Variants in ECT2L observed in about 807,000 individuals in gnomAD.
The protein encoded by ECT2L is epithelial cell transforming 2 like.
In ECT2L, 126 loss-of-function variants were observed where a neutral mutation model predicts 122.8. That is an observed-to-expected ratio of 1.03 (90% CI 0.89 to 1.19). The LOEUF is 1.19. ECT2L is among the 50% of genes most tolerant of loss of function. The pLI is 0.00. For missense variants in ECT2L, 1,012 were observed against 1,064.1 expected (o/e 0.95, Z 0.68); for synonymous variants, 385 against 381.8 (o/e 1.01, Z -0.10).
intron 20 of ECT2L, 124 bp from the exon 21 acceptor site, chr6:138,900,824 C>A: frequency 9.7e-7 from 1 of 1,026,220 alleles, no homozygotes; most frequent in Non-Finnish European, 1.4e-6. Context: ...TTCAACCAGC[C>A]ATTCAAAATG....
chr6:138,808,950 C>T (rs1775801432), intron 1 of ECT2L, among the ~76,000 whole-genome samples: 1 of 152,180 alleles, frequency 6.6e-6, no homozygotes, highest in East Asian at 1.9e-4. Context: ...TGGTCTCAAA[C>T]TCCTGGCCTC....
At chr6:138,831,028 G>A (rs1454768813) in intron 4 of ECT2L, among the ~76,000 whole-genome samples, 4 of 152,104 alleles carry the variant, frequency 2.6e-5, no homozygotes, top group Admixed American at 6.5e-5. Context: ...ATATACAATC[G>A]TCGTAAGCAC....
intron 12 of ECT2L, among the ~76,000 whole-genome samples, chr6:138,866,062 C>T (rs1778024540): frequency 6.6e-6 from 1 of 152,136 alleles, no homozygotes; most frequent in South Asian, 2.1e-4. Flanking sequence ...CTTATTTGTA[C>T]TACCTACTCT....
intron 11 of ECT2L, among the ~76,000 whole-genome samples, chr6:138,863,098 C>T (rs1777896361): frequency 6.6e-6 from 1 of 152,060 alleles, no homozygotes; most frequent in South Asian, 2.1e-4. Context: ...AAAGAGATGG[C>T]AAAGAGGCTG....
chr6:138,880,302 G>C (rs1046279703), intron 14 of ECT2L, among the ~76,000 whole-genome samples: 1 of 152,176 alleles, frequency 6.6e-6, no homozygotes, highest in African/African-American at 2.4e-5. Flanking sequence ...CTCTTGGAGT[G>C]CTCACATGGT....
intron 1 of ECT2L, among the ~76,000 whole-genome samples, chr6:138,800,796 A>G (rs185917324): frequency 1.7e-3 from 256 of 152,326 alleles, no homozygotes; most frequent in African/African-American, 5.7e-3. Flanking sequence ...GCTATAATAA[A>G]ATACCTGAGA....
intron 20 of ECT2L, among the ~76,000 whole-genome samples, chr6:138,893,565 T>G (rs1384720710): frequency 2.6e-5 from 4 of 151,722 alleles, no homozygotes; most frequent in Admixed American, 2.6e-4. Flanking sequence ...GGATTACAGG[T>G]GCACGCTGTT....
intron 13 of ECT2L, among the ~76,000 whole-genome samples, chr6:138,871,858 T>C (rs1778268192): frequency 6.6e-6 from 1 of 151,956 alleles, no homozygotes; most frequent in Non-Finnish European, 1.5e-5. Context: ...ACCCTACCCT[T>C]CTGCTGTTAC....
At chr6:138,847,354 A>AT (rs1562471985) in intron 8 of ECT2L, among the ~76,000 whole-genome samples, 4 of 111,062 alleles carry the variant, frequency 3.6e-5, no homozygotes, top group African/African-American at 1.6e-4. Context: ...AAAGGCCCAA[A>AT]CTTTTTTTTT....
At position 138,862,828 on chromosome 6, in the gene ECT2L, C is replaced by G. The variant is rs567724787; in HGVS notation, c.1291+109C>G. 10 of 806,494 alleles carry G rather than the reference C, an allele frequency of 1.2e-5. No individual in the cohort carries two copies. In the East Asian group the frequency reaches 2.1e-4, roughly 17 times the overall value. The allele number at this position is 806,494 out of a possible 1,614,324, so 50.0% of individuals were successfully genotyped here. ...ACTGGTATGGCTGATATCCATTACT[C>G]TCTTTCATTCCTCCCCTGAAGGAAC... is the stretch of plus-strand genomic sequence containing the variant. On this transcript the variant is annotated intron_variant, in intron 11 of 21. Coordinates refer to ENST00000541398, the MANE Select transcript of ECT2L (RefSeq NM_001077706.3).
intron 1 of ECT2L, among the ~76,000 whole-genome samples, chr6:138,803,815 CT>C (rs1775623441): frequency 6.6e-6 from 1 of 152,174 alleles, no homozygotes; most frequent in South Asian, 2.1e-4. Context: ...TGATACATGC[CT>C]TTCTAATATA....
intron 4 of ECT2L, among the ~76,000 whole-genome samples, chr6:138,824,580 A>AG (rs1776376658): frequency 1.0e-5 from 1 of 98,144 alleles, no homozygotes; most frequent in Non-Finnish European, 2.3e-5. Flanking sequence ...AAAAACAAAA[A>AG]CAAAAAAAAC....
chr6:138,814,681 G>T (rs1776011389), intron 4 of ECT2L, 78 bp downstream of exon 4: 3 of 871,184 alleles, frequency 3.4e-6, no homozygotes, highest in Non-Finnish European at 5.1e-6. Flanking sequence ...ACCTTTAAGA[G>T]ATTTTTTGTT....
Position 138,838,382 on chromosome 6 carries a change from G to T in ECT2L, c.210G>T (p.Met70Ile), listed in dbSNP as rs747575140. 7 of 1,610,182 alleles carry T rather than the reference G, an allele frequency of 4.3e-6. No individual in the cohort carries two copies. In the East Asian group the frequency reaches 1.6e-4, roughly 36 times the overall value. Reference sequence around the variant, plus strand: ...TCCAAGACTGGTTTTCAGAAAGGATGCAAGTGGCCAAAGTGGACTTCTCTA... The same window carrying T: ...TCCAAGACTGGTTTTCAGAAAGGATTCAAGTGGCCAAAGTGGACTTCTCTA... Reference protein sequence around the residue: ...RFVQDWFSERMQVAKVDFSTV... With the variant: ...RFVQDWFSERIQVAKVDFSTV... Residue 70 changes from methionine to isoleucine, a missense_variant, in exon 5 of 22, where the codon ATG becomes ATT. Transcript: ENST00000541398.
rs1007040676 is a variant in ECT2L, at chr6:138,903,360, CAAAAAAAAAAG to C, written c.*745_*755del. The stretch of plus-strand genomic sequence containing the variant: ...GGGTGACAAGAGCGAACCTCTGTCT[CAAAAAAAAAAG>C]AAAAAAAAAAGGACAAGAAATACAA... On this transcript the variant is annotated 3_prime_UTR_variant, in exon 22 of 22. Transcript: ENST00000541398. 22 of 116,990 alleles carry C rather than the reference CAAAAAAAAAAG, an allele frequency of 1.9e-4. No individual in the cohort carries two copies. Among genetic ancestry groups the C allele is most frequent in the African/African-American group, 6.5e-4 (20 of 30,668 alleles). 7.2% of individuals were successfully genotyped at this position (116,990 alleles called of 1,614,324 possible). A position where few individuals can be genotyped will look rare whatever the true frequency, so the allele number is the denominator to read the frequency against.
At chr6:138,900,836 C>T (rs997542301) in intron 20 of ECT2L, 112 bp from the exon 21 acceptor site, 1 of 1,138,454 alleles carries the variant, frequency 8.8e-7, no homozygotes, top group African/African-American at 1.6e-5. Context: ...TTCAAAATGT[C>T]AGTAGTGGGG....
chr6:138,814,178 T>C (rs142061159), intron 3 of ECT2L, among the ~76,000 whole-genome samples: 230 of 152,282 alleles, frequency 1.5e-3, no homozygotes, highest in African/African-American at 5.3e-3. Flanking sequence ...CACATTAGCC[T>C]AGGTAGAAAC....
Position 138,802,704 on chromosome 6 carries a change from A to G in ECT2L, c.-244+6512A>G, listed in dbSNP as rs116471524. ...GAATAGGAAAAGAAATTATTCCATT[A>G]AAGAAGTAGTAATTGCCAGGCTGCC... On this transcript the variant is annotated intron_variant, in intron 1 of 21. Transcript: ENST00000541398. Among the ~76,000 whole-genome samples, 978 of 152,366 alleles carry G rather than the reference A, an allele frequency of 6.4e-3. 6 individuals are homozygous for G. Among genetic ancestry groups the G allele is most frequent in the African/African-American group, 0.023 (939 of 41,594 alleles).
At chr6:138,893,195 G>T (rs199918584) in intron 20 of ECT2L, among the ~76,000 whole-genome samples, 10,962 of 128,178 alleles carry the variant, frequency 0.086, 814 homozygotes, top group African/African-American at 0.21. Context: ...GTTTTTTTTT[G>T]TTTTTTTTTC....
Sources: allele counts gnomAD v4.1 joint callset (sites outside exome capture counted in the v4.1 genomes callset), GRCh38; gene constraint gnomAD v4.1.1; transcripts MANE v1.5; gene names NCBI Gene and HGNC (gene_info 2026-07-23, HGNC 2026-07-21).